YAP1: variants seen among roughly 807,000 people sequenced by gnomAD.
YAP1 encodes Yes1 associated transcriptional regulator, also known as transcriptional coactivator YAP1.
Under a neutral mutation model 56.9 loss-of-function variants are expected in YAP1, and 5 were observed. That is an observed-to-expected ratio of 0.09 (90% CI 0.05 to 0.18). The LOEUF (loss-of-function observed/expected upper bound fraction) is 0.18, where lower values mean the gene tolerates loss of function less well. YAP1 is among the 10% of genes least tolerant of loss of function. The probability of loss-of-function intolerance (pLI) is 1.00; values close to 1 mark genes in which losing one functional copy is unlikely to be tolerated. For missense variants in YAP1, 539 were observed against 651.8 expected, an observed-to-expected ratio of 0.83 and a Z score of 1.88; for synonymous variants, 265 against 248.1, an observed-to-expected ratio of 1.07 and a Z score of -0.64.
chr11:102,124,914 T>A (rs1943937766), intron 2 of YAP1, among the ~76,000 whole-genome samples: 1 of 152,152 alleles, frequency 6.6e-6, no homozygotes, highest in Non-Finnish European at 1.5e-5. Flanking sequence ...GTATTTGTGT[T>A]TTTGGTAGAA....
intron 2 of YAP1, among the ~76,000 whole-genome samples, chr11:102,115,112 A>G (rs751712231): frequency 2.0e-5 from 3 of 152,224 alleles, no homozygotes; most frequent in Non-Finnish European, 4.4e-5. Context: ...ATAAAATGGC[A>G]GAATTACACT....
chr11:102,229,592 G>GAGCTTTTTTT, intron 8 of YAP1, 110 bp from the exon 9 acceptor site: 1 of 928,684 alleles, frequency 1.1e-6, no homozygotes, highest in Non-Finnish European at 1.7e-6. Flanking sequence ...ATCAGTTTAG[G>GAGCTTTTTTT]TCAGTCAGGA....
chr11:102,125,449 T>C (rs912356960), intron 2 of YAP1, among the ~76,000 whole-genome samples: 3 of 150,888 alleles, frequency 2.0e-5, no homozygotes, highest in Non-Finnish European at 4.4e-5. Flanking sequence ...CAATTTTGGC[T>C]CACTGCAGCC....
At position 102,184,078 on chromosome 11, in the gene YAP1, A is replaced by G. The variant is rs1410317362; in HGVS notation, c.689-1940A>G. The stretch of plus-strand genomic sequence containing the variant: ...GGCGACAGAGCGAGACTCCGTCTCA[A>G]AAAAAAAAAAAAAAAAAGAAAGCTA... On this transcript the variant is annotated intron_variant, in intron 3 of 8. Coordinates refer to ENST00000282441, the MANE Select transcript of YAP1 (RefSeq NM_001130145.3). 3.2e-4 allele frequency among the ~76,000 whole-genome samples: 35 copies of G among 110,868 alleles called. 2 individuals are homozygous for G. In the Admixed American group the frequency reaches 3.2e-3, roughly 10 times the overall value. 72.7% of individuals were successfully genotyped at this position (110,868 alleles called of 152,430 possible).
chr11:102,125,934 A>G (rs1944012711), intron 2 of YAP1, among the ~76,000 whole-genome samples: 1 of 152,026 alleles, frequency 6.6e-6, no homozygotes, highest in South Asian at 2.1e-4. Flanking sequence ...CTCTTTTAGC[A>G]GCCACTATCT....
chr11:102,205,923 C>T lies in YAP1; in HGVS notation c.833C>T (p.Pro278Leu). 1 of 1,601,698 alleles carries T rather than the reference C, an allele frequency of 6.2e-7. No homozygotes were observed. Residue 278 changes from proline (P) to leucine (L), a missense_variant, in exon 5 of 9, where the codon CCA becomes CTA. Transcript: ENST00000282441. ...AACCAGAGAATCAGTCAGAGTGCTC[C>T]AGTGAAACAGCCACCACCCCTGGCT... is the stretch of plus-strand genomic sequence containing the variant. The part of the protein sequence containing the change: ...AMNQRISQSA[P>L]VKQPPPLAPQ...
At chr11:102,149,012 G>T (rs1199463065) in intron 2 of YAP1, among the ~76,000 whole-genome samples, 1 of 152,034 alleles carries the variant, frequency 6.6e-6, no homozygotes, top group Non-Finnish European at 1.5e-5. Context: ...TTACTGCTTT[G>T]TGTGGTATTC....
At chr11:102,138,633 G>A (rs2019070) in intron 2 of YAP1, among the ~76,000 whole-genome samples, 71,312 of 152,018 alleles carry the variant, frequency 0.47, 17,772 homozygotes, top group African/African-American at 0.63. Context: ...CCCGTGTTTC[G>A]TTTAATTACT....
At chr11:102,128,932 C>T (rs1944204420) in intron 2 of YAP1, among the ~76,000 whole-genome samples, 1 of 150,150 alleles carries the variant, frequency 6.7e-6, no homozygotes, top group Non-Finnish European at 1.5e-5. Flanking sequence ...TTGTCTCTCC[C>T]TCTCTTCCTT....
chr11:102,199,965 A>T (rs1948766557), intron 4 of YAP1, among the ~76,000 whole-genome samples: 1 of 152,224 alleles, frequency 6.6e-6, no homozygotes, highest in East Asian at 1.9e-4. Flanking sequence ...ATGCAACTAA[A>T]TTTAAACTTA....
intron 3 of YAP1, among the ~76,000 whole-genome samples, chr11:102,174,131 GCTTAAA>G (rs890292831): frequency 1.9e-4 from 29 of 152,090 alleles, no homozygotes; most frequent in African/African-American, 6.5e-4. Flanking sequence ...CTGTTGAATG[GCTTAAA>G]CTTAAATCCA....
intron 2 of YAP1, 22 bp from the exon 3 acceptor site, chr11:102,162,434 G>T: frequency 6.2e-7 from 1 of 1,601,624 alleles, no homozygotes; most frequent in Non-Finnish European, 8.6e-7. Flanking sequence ...GTTTCCTAAT[G>T]CAGTGGTTTG....
At chr11:102,119,149 G>A (rs560303752) in intron 2 of YAP1, among the ~76,000 whole-genome samples, 3 of 151,922 alleles carry the variant, frequency 2.0e-5, no homozygotes, top group African/African-American at 7.2e-5. Flanking sequence ...GGGTGGGGGA[G>A]AGCTTACTTC....
At chr11:102,148,698 T>G (rs1945461989) in intron 2 of YAP1, among the ~76,000 whole-genome samples, 2 of 152,212 alleles carry the variant, frequency 1.3e-5, no homozygotes, top group African/African-American at 4.8e-5. Flanking sequence ...GTATCTGAAA[T>G]GCCTTTCCTC....
Position 102,197,611 on chromosome 11 carries a change from CA to C in YAP1, c.803-8281del, listed in dbSNP as rs1270456251. Among the ~76,000 whole-genome samples the C allele has an allele frequency of 3.3e-5, 5 of 152,248 alleles. No individual in the cohort carries two copies. The East Asian group carries it at 7.7e-4, about 23-fold the overall frequency. ...CATTGGTTTTCTACCATAAAGCTGT[CA>C]GGGCTGATTTGTTAAGCAAAACTTG... On this transcript the variant is annotated intron_variant, in intron 4 of 8. Transcript: ENST00000282441.
In YAP1 at chr11:102,209,047, G is replaced by A. The variant is rs545994325; in HGVS notation, c.985-470G>A. Among the ~76,000 whole-genome samples, 11 of 152,076 alleles carry A rather than the reference G, an allele frequency of 7.2e-5. No homozygotes were observed. In the East Asian group the frequency reaches 9.7e-4, roughly 13 times the overall value. ...TTTCATCTTTACTGCCTACTGTGTCGTCTTTTCTTATGTTGAAGTTGACAG... is the reference window on the plus strand; with the variant it reads ...TTTCATCTTTACTGCCTACTGTGTCATCTTTTCTTATGTTGAAGTTGACAG... On this transcript the variant is annotated intron_variant, in intron 5 of 8. Coordinates refer to ENST00000282441, the MANE Select transcript of YAP1 (RefSeq NM_001130145.3).
At chr11:102,177,124 G>A (rs548017860) in intron 3 of YAP1, among the ~76,000 whole-genome samples, 1 of 152,286 alleles carries the variant, frequency 6.6e-6, no homozygotes, top group Non-Finnish European at 1.5e-5. Flanking sequence ...AGGTCCTGGA[G>A]CTGGGAGAGG....
intron 6 of YAP1, among the ~76,000 whole-genome samples, chr11:102,210,561 G>C (rs1384455447): frequency 6.6e-6 from 1 of 152,062 alleles, no homozygotes; most frequent in Non-Finnish European, 1.5e-5. Flanking sequence ...TTAATCAAAA[G>C]ACCAAGCAAG....
At chr11:102,128,490 T>G (rs930024846) in intron 2 of YAP1, among the ~76,000 whole-genome samples, 1 of 152,208 alleles carries the variant, frequency 6.6e-6, no homozygotes. Flanking sequence ...TGTGGAACTG[T>G]TTAAGTCCAA....
Sources: allele counts gnomAD v4.1 joint callset (sites outside exome capture counted in the v4.1 genomes callset), GRCh38; gene constraint gnomAD v4.1.1; transcripts MANE v1.5; gene names NCBI Gene and HGNC (gene_info 2026-07-23, HGNC 2026-07-21).